Variants in ITPR1 observed in about 807,000 individuals in gnomAD.
The protein encoded by ITPR1 is inositol 1,4,5-trisphosphate-gated calcium channel ITPR1.
ITPR1 carries 96 observed loss-of-function variants against 318.4 expected under a neutral mutation model. That is an observed-to-expected ratio of 0.30 (90% CI 0.26 to 0.36). The LOEUF is 0.36. ITPR1 is among the 10% of genes least tolerant of loss of function. The probability of loss-of-function intolerance (pLI) is 1.00; values close to 1 mark genes in which losing one functional copy is unlikely to be tolerated. For missense variants in ITPR1, 2,440 were observed against 3,460.2 expected (o/e 0.71, Z 7.40); for synonymous variants, 1,312 against 1,289.9 (o/e 1.02, Z -0.37).
chr3:4,640,829 G>A (rs1176363216), intron 6 of ITPR1, among the ~76,000 whole-genome samples: 1 of 152,150 alleles, frequency 6.6e-6, no homozygotes, highest in Non-Finnish European at 1.5e-5. Context: ...CTGGATCTTG[G>A]GGCCTACCTG....
At position 4,653,786 on chromosome 3, in the gene ITPR1, C is replaced by T. The variant is rs1036466730; in HGVS notation, c.952-56C>T. On this transcript the variant is annotated intron_variant, in intron 11 of 61. Coordinates refer to ENST00000649015, the MANE Select transcript of ITPR1 (RefSeq NM_001378452.1). ...CCTTGAAGTCTCCTGCAAGTGGGGC[C>T]CAGTCCTTAAGAAAGCAATGGATGT... 1.2e-5 allele frequency: 16 copies of T among 1,329,744 alleles called. No homozygotes were observed. The African/African-American group carries it at 2.2e-4, about 18-fold the overall frequency. 82.4% of individuals were successfully genotyped at this position (1,329,744 alleles called of 1,614,324 possible).
intron 40 of ITPR1, among the ~76,000 whole-genome samples, chr3:4,723,957 T>G (rs1024381144): frequency 3.3e-5 from 5 of 152,226 alleles, no homozygotes; most frequent in African/African-American, 1.2e-4. Flanking sequence ...TTACACAGTT[T>G]TAATTCTTTA....
At chr3:4,630,743 G>A (rs2092991717) in intron 5 of ITPR1, among the ~76,000 whole-genome samples, 1 of 151,676 alleles carries the variant, frequency 6.6e-6, no homozygotes, top group Non-Finnish European at 1.5e-5. Context: ...GCACCACCAC[G>A]CCCTACTAAT....
At chr3:4,582,342 T>A (rs2089440512) in intron 4 of ITPR1, among the ~76,000 whole-genome samples, 1 of 152,082 alleles carries the variant, frequency 6.6e-6, no homozygotes, top group African/African-American at 2.4e-5. Flanking sequence ...TAGGAAAATG[T>A]CCTCCCCCAC....
At chr3:4,838,568 A>G (rs1205697315) in intron 61 of ITPR1, among the ~76,000 whole-genome samples, 1 of 152,246 alleles carries the variant, frequency 6.6e-6, no homozygotes, top group African/African-American at 2.4e-5. Context: ...CAGACACTGA[A>G]CTAATACTTA....
At chr3:4,687,939 C>T (rs116387526) in intron 30 of ITPR1, among the ~76,000 whole-genome samples, 3 of 152,224 alleles carry the variant, frequency 2.0e-5, no homozygotes, top group African/African-American at 7.2e-5. Flanking sequence ...AAGTTAATGT[C>T]TAATAGGTCG....
intron 4 of ITPR1, among the ~76,000 whole-genome samples, chr3:4,584,485 G>A (rs996996565): frequency 2.6e-5 from 4 of 151,968 alleles, no homozygotes; most frequent in Non-Finnish European, 5.9e-5. Flanking sequence ...ACGGGGAAGC[G>A]GGGAGGAGAG....
chr3:4,538,826 T>C (rs946952357), intron 4 of ITPR1, among the ~76,000 whole-genome samples: 1 of 152,002 alleles, frequency 6.6e-6, no homozygotes, highest in Non-Finnish European at 1.5e-5. Context: ...AGCTGAACAA[T>C]GAGAATGCGT....
chr3:4,568,426 A>G (rs1044930256), intron 4 of ITPR1, among the ~76,000 whole-genome samples: 3 of 152,182 alleles, frequency 2.0e-5, no homozygotes, highest in Non-Finnish European at 4.4e-5. Flanking sequence ...GGGTTAAGGC[A>G]TTATTTCTTC....
At chr3:4,567,371 G>A (rs554709110) in intron 4 of ITPR1, among the ~76,000 whole-genome samples, 7 of 152,268 alleles carry the variant, frequency 4.6e-5, no homozygotes, top group African/African-American at 1.7e-4. Context: ...CAGGTTGGAG[G>A]GGGGATGATA....
intron 44 of ITPR1, among the ~76,000 whole-genome samples, chr3:4,754,123 T>C (rs146701694): frequency 9.8e-4 from 149 of 151,646 alleles, no homozygotes; most frequent in African/African-American, 3.2e-3. Context: ...CCTCGGAGCA[T>C]TGAGGACAGG....
At chr3:4,605,423 T>C (rs1383948930) in intron 4 of ITPR1, among the ~76,000 whole-genome samples, 1 of 152,020 alleles carries the variant, frequency 6.6e-6, no homozygotes, top group Non-Finnish European at 1.5e-5. Flanking sequence ...AATGACAAAA[T>C]GGGAATGTGA....
At chr3:4,677,380 T>G (rs1294792696) in intron 24 of ITPR1, among the ~76,000 whole-genome samples, 1 of 152,192 alleles carries the variant, frequency 6.6e-6, no homozygotes, top group East Asian at 1.9e-4. Flanking sequence ...CAGGATTGTT[T>G]GGAGACACTG....
At chr3:4,535,327 C>T (rs1191625215) in intron 4 of ITPR1, among the ~76,000 whole-genome samples, 3 of 151,344 alleles carry the variant, frequency 2.0e-5, no homozygotes, top group African/African-American at 7.3e-5. Context: ...AGGGTACAAA[C>T]TAACAAGGCA....
intron 12 of ITPR1, among the ~76,000 whole-genome samples, chr3:4,654,256 C>T (rs2125175551): frequency 6.6e-6 from 1 of 152,280 alleles, no homozygotes; most frequent in East Asian, 1.9e-4. Context: ...CCATGACTCA[C>T]ACAGCTTTTT....
intron 4 of ITPR1, among the ~76,000 whole-genome samples, chr3:4,558,736 G>A (rs1191907062): frequency 2.6e-5 from 4 of 152,102 alleles, no homozygotes; most frequent in African/African-American, 7.2e-5. Context: ...GTGCAGGTAC[G>A]AATCCAGAAA....
chr3:4,561,771 A>G (rs1255908972), intron 4 of ITPR1, among the ~76,000 whole-genome samples: 1 of 152,218 alleles, frequency 6.6e-6, no homozygotes, highest in African/African-American at 2.4e-5. Context: ...AACGTGGGTT[A>G]AAAGAACATG....
chr3:4,758,315 C>T (rs910438078), intron 44 of ITPR1, among the ~76,000 whole-genome samples: 12 of 152,164 alleles, frequency 7.9e-5, no homozygotes, highest in African/African-American at 1.2e-4. Context: ...GTCCTGCAGC[C>T]GTCACTCTGT....
chr3:4,783,758 T>A, intron 50 of ITPR1, 58 bp from the exon 51 acceptor site: 1 of 1,294,496 alleles, frequency 7.7e-7, no homozygotes, highest in Non-Finnish European at 1.1e-6. Context: ...GAAAGGAGTT[T>A]CTGTGTTCCT....
Sources: allele counts gnomAD v4.1 joint callset (sites outside exome capture counted in the v4.1 genomes callset), GRCh38; gene constraint gnomAD v4.1.1; transcripts MANE v1.5; gene names NCBI Gene and HGNC (gene_info 2026-07-23, HGNC 2026-07-21).